HMCN1: variants seen among roughly 807,000 people sequenced by gnomAD.
The protein encoded by HMCN1 is hemicentin 1.
Under a neutral mutation model 625.9 loss-of-function variants are expected in HMCN1, and 321 were observed. The observed-to-expected ratio is 0.51, with a 90% CI of 0.47 to 0.56. HMCN1 has a LOEUF of 0.56. HMCN1 is among the 20% of genes least tolerant of loss of function. HMCN1 has a pLI of 0.00. For synonymous variants in HMCN1, 2,425 were observed against 2,417.6 expected (o/e 1.00, Z -0.09); for missense variants, 6,588 against 6,887.3 (o/e 0.96, Z 1.54).
intron 42 of HMCN1, among the ~76,000 whole-genome samples, chr1:186,050,178 A>AG (rs1478873299): frequency 1.3e-5 from 2 of 151,806 alleles, no homozygotes; most frequent in Admixed American, 1.3e-4. Flanking sequence ...AAAAAAAGAG[A>AG]GAAAAAAGAA....
At position 186,070,661 on chromosome 1, in the gene HMCN1, T is replaced by C. The variant is rs1165947319; in HGVS notation, c.8043T>C (p.Pro2681=). 1 of 1,613,166 alleles carries C rather than the reference T, an allele frequency of 6.2e-7. No homozygotes were observed. The highest frequency in any genetic ancestry group is 1.7e-5 in the Admixed American group (1 of 60,000). The change falls in exon 52 of 107, where the codon CCT becomes CCC. Residue 2681 remains proline (P), a synonymous_variant. Transcript: ENST00000271588. ...ACCTTTGGGGGCCAGGTCTTTCCCC[T>C]AAAGAAGTGAAGATCAAAGTAAACA... is the stretch of plus-strand genomic sequence containing the variant. ...KGDLWGPGLS[P]KEVKIKVNNT...
chr1:186,130,045 C>T lies in HMCN1; in HGVS notation c.12984C>T (p.Cys4328=), dbSNP rs1661846427. 6.2e-7 allele frequency: 1 copy of T among 1,613,186 alleles called. No homozygotes were observed. Among genetic ancestry groups the T allele is most frequent in the Non-Finnish European group, 8.5e-7 (1 of 1,179,472 alleles). Residue 4328 remains cysteine (C), a synonymous_variant, in exon 84 of 107, where the codon TGC becomes TGT. Transcript: ENST00000271588. ...AAGAGGATTCAGGTACTTATGTGTG[C>T]ACCGCAGAGAACAGCGTTGGCTTTG... ...VSKEDSGTYV[C]TAENSVGFVK... is the part of the protein sequence containing the mutation.
chr1:185,993,191 C>T lies in HMCN1; in HGVS notation c.3387C>T (p.Phe1129=). Reference sequence around the variant, plus strand: ...GGTTTCTTTCTTTTAGACACACATTCCTCCCTTCTGGTTCAATGAAGATCA... The same window carrying T: ...GGTTTCTTTCTTTTAGACACACATTTCTCCCTTCTGGTTCAATGAAGATCA... ...LISPFSPRHT[F]LPSGSMKITE... is the part of the protein sequence containing the mutation. Residue 1129 remains phenylalanine, a synonymous_variant, in exon 23 of 107, where the codon TTC becomes TTT. Coordinates refer to ENST00000271588, the MANE Select transcript of HMCN1 (RefSeq NM_031935.3). The T allele has an allele frequency of 6.2e-7, 1 of 1,612,310 alleles. No individual in the cohort carries two copies. Among genetic ancestry groups the T allele is most frequent in the Non-Finnish European group, 8.5e-7 (1 of 1,178,540 alleles).
intron 11 of HMCN1, among the ~76,000 whole-genome samples, chr1:185,936,109 T>C (rs1393805250): frequency 6.6e-6 from 1 of 152,176 alleles, no homozygotes; most frequent in East Asian, 1.9e-4. Context: ...ATTTATGTTG[T>C]TATGCTTCCA....
chr1:186,076,612 G>T lies in HMCN1; in HGVS notation c.8475G>T (p.Leu2825Phe). 2.5e-6 allele frequency: 4 copies of T among 1,613,064 alleles called. No individual in the cohort carries two copies. The highest frequency in any genetic ancestry group is 3.4e-6 in the Non-Finnish European group (4 of 1,179,658). Residue 2825 changes from leucine to phenylalanine, a missense_variant, in exon 54 of 107, where the codon TTG (leucine) becomes TTT (phenylalanine). This residue lies in a region of HMCN1 where 4,628 missense variants were observed against 4,853.1 expected (regional missense o/e 0.95). Coordinates refer to ENST00000271588, the MANE Select transcript of HMCN1 (RefSeq NM_031935.3). The part of the protein sequence containing the change: ...GHPLTSSDKV[L>F]ILPGGRVLQI... ...CTCTGACCTCAAGTGATAAAGTATTGATTTTGCCAGGTAAAGATTGATACC... is the reference window on the plus strand; with the variant it reads ...CTCTGACCTCAAGTGATAAAGTATTTATTTTGCCAGGTAAAGATTGATACC...
rs140165874 is a variant in HMCN1, at chr1:186,184,431, C to T, written c.16414+2144C>T. Among the ~76,000 whole-genome samples the T allele has an allele frequency of 2.2e-4, 34 of 152,218 alleles. 2 individuals carry two copies. The East Asian group carries it at 5.8e-3, about 26-fold the overall frequency. The stretch of plus-strand genomic sequence containing the variant: ...GAATTTGACATTGAACAAGGACAGA[C>T]ACTCTAGTCAAAAGTGAAAGTCACT... On this transcript the variant is annotated intron_variant, in intron 105 of 106. Transcript: ENST00000271588.
At chr1:186,006,810 A>T (rs962375660) in intron 29 of HMCN1, among the ~76,000 whole-genome samples, 15 of 151,732 alleles carry the variant, frequency 9.9e-5, no homozygotes, top group African/African-American at 2.7e-4. Flanking sequence ...CAAAAAATTT[A>T]AAAAAAGCTG....
intron 48 of HMCN1, among the ~76,000 whole-genome samples, chr1:186,063,298 A>T (rs962814540): frequency 9.2e-5 from 14 of 151,428 alleles, no homozygotes; most frequent in African/African-American, 3.4e-4. Context: ...TTGGCATTTG[A>T]AATTAAATTC....
At chr1:185,739,452 C>T (rs1653824381) in intron 1 of HMCN1, among the ~76,000 whole-genome samples, 1 of 152,176 alleles carries the variant, frequency 6.6e-6, no homozygotes, top group Non-Finnish European at 1.5e-5. Flanking sequence ...CTTCTTTTAT[C>T]ACTCACTCTC....
At chr1:185,771,606 A>T (rs890233825) in intron 1 of HMCN1, among the ~76,000 whole-genome samples, 1 of 152,188 alleles carries the variant, frequency 6.6e-6, no homozygotes, top group Non-Finnish European at 1.5e-5. Flanking sequence ...AATTTTTCAG[A>T]TGATATGGCC....
At chr1:185,957,343 A>G (rs910007401) in intron 11 of HMCN1, among the ~76,000 whole-genome samples, 2 of 152,210 alleles carry the variant, frequency 1.3e-5, no homozygotes, top group African/African-American at 2.4e-5. Context: ...GGCTAAAGCA[A>G]TTTGTCACTG....
intron 4 of HMCN1, among the ~76,000 whole-genome samples, chr1:185,897,352 A>G (rs909598160): frequency 2.6e-5 from 4 of 152,090 alleles, no homozygotes; most frequent in African/African-American, 9.7e-5. Context: ...CTTCTTAAAT[A>G]CAAACTTGAT....
Position 186,152,799 on chromosome 1 carries a change from T to C in HMCN1, c.14946T>C (p.Gly4982=), listed in dbSNP as rs757198835. The C allele has an allele frequency of 3.7e-6, 6 of 1,614,070 alleles. No homozygotes were observed. In the South Asian group the frequency reaches 6.6e-5, roughly 18 times the overall value. The change falls in exon 96 of 107, where the codon GGT becomes GGC. Residue 4982 remains glycine, a synonymous_variant. Coordinates refer to ENST00000271588, the MANE Select transcript of HMCN1 (RefSeq NM_031935.3). ...SHIARGLDSD[G]SLLLDIVVSG... ...TTGCCCGGGGCTTGGATTCCGATGG[T>C]TCTTTGCTGCTAGATATCGTTGTGA...
At chr1:186,022,820 A>G (rs987003063) in intron 35 of HMCN1, among the ~76,000 whole-genome samples, 1 of 152,092 alleles carries the variant, frequency 6.6e-6, no homozygotes, top group African/African-American at 2.4e-5. Flanking sequence ...GTGTTTTCCA[A>G]TGAATAAGAA....
At chr1:186,018,389 A>T in intron 34 of HMCN1, 37 bp downstream of exon 34, 1 of 1,557,108 alleles carries the variant, frequency 6.4e-7, no homozygotes, top group Non-Finnish European at 8.9e-7. Context: ...TGCATCTTAA[A>T]TTAATTTATG....
intron 1 of HMCN1, among the ~76,000 whole-genome samples, chr1:185,803,348 G>C (rs1658942906): frequency 6.6e-6 from 1 of 151,712 alleles, no homozygotes; most frequent in Non-Finnish European, 1.5e-5. Context: ...ACATCTTTAT[G>C]ACTACAGTTT....
At chr1:186,163,808 A>G (rs1268442212) in intron 97 of HMCN1, among the ~76,000 whole-genome samples, 1 of 152,210 alleles carries the variant, frequency 6.6e-6, no homozygotes, top group Non-Finnish European at 1.5e-5. Flanking sequence ...ACCTGCCATG[A>G]GTCCTGTCCC....
At chr1:186,053,779 G>C (rs778198624) in intron 43 of HMCN1, 46 bp from the exon 44 acceptor site, 1 of 1,595,508 alleles carries the variant, frequency 6.3e-7, no homozygotes, top group Non-Finnish European at 8.6e-7. Flanking sequence ...TATACAAAAT[G>C]CTTTACATTT....
At chr1:185,891,089 C>CT (rs1259182878) in intron 4 of HMCN1, among the ~76,000 whole-genome samples, 1 of 76,138 alleles carries the variant, frequency 1.3e-5, no homozygotes, top group Non-Finnish European at 2.4e-5. Flanking sequence ...CTCTTTTGAT[C>CT]TTTGTTGGTT....
Sources: allele counts gnomAD v4.1 joint callset (sites outside exome capture counted in the v4.1 genomes callset), GRCh38; gene constraint gnomAD v4.1.1; regional missense constraint gnomAD v4.1.1; transcripts MANE v1.5; gene names NCBI Gene and HGNC (gene_info 2026-07-23, HGNC 2026-07-21).